Variants in USP28 observed in about 807,000 individuals in gnomAD.
USP28 encodes ubiquitin specific peptidase 28, also known as ubiquitin carboxyl-terminal hydrolase 28.
In USP28, 113 loss-of-function variants were observed where a neutral mutation model predicts 145.0. The ratio of observed to expected loss-of-function variants is 0.78; its 90% CI spans 0.67 to 0.91. The LOEUF (loss-of-function observed/expected upper bound fraction) is 0.91. Ranked by LOEUF, USP28 falls within the 40% of genes least tolerant of loss-of-function variation. The pLI is 0.00. For synonymous variants in USP28, 447 were observed against 450.9 expected, an observed-to-expected ratio of 0.99 and a Z score of 0.11; for missense variants, 1,201 against 1,289.6, an observed-to-expected ratio of 0.93 and a Z score of 1.05.
intron 8 of USP28, among the ~76,000 whole-genome samples, chr11:113,831,424 T>C (rs1487852276): frequency 2.0e-5 from 3 of 152,222 alleles, no homozygotes; most frequent in South Asian, 2.1e-4. Flanking sequence ...AACTATTTTA[T>C]AGTTACAATG....
intron 1 of USP28, chr11:113,874,563 A>G: frequency 7.8e-7 from 1 of 1,288,860 alleles, no homozygotes; most frequent in Non-Finnish European, 1.0e-6. Flanking sequence ...ATAGTTTCTC[A>G]TCTCCAAACT....
intron 7 of USP28, 26 bp from the exon 8 acceptor site, chr11:113,832,019 A>T (rs766758747): frequency 1.4e-5 from 22 of 1,590,424 alleles, no homozygotes; most frequent in Non-Finnish European, 1.9e-5. Flanking sequence ...AAATTGCATA[A>T]AAGTTAGATG....
Position 113,830,935 on chromosome 11 carries a change from CT to C in USP28, c.841del (p.Arg281GlyfsTer17). 6.2e-7 allele frequency: 1 copy of C among 1,613,968 alleles called. No individual in the cohort carries two copies. The highest frequency in any genetic ancestry group is 8.5e-7 in the Non-Finnish European group (1 of 1,179,886). On this transcript the variant is annotated frameshift_variant, in exon 9 of 25. Transcript: ENST00000003302. LOFTEE classifies it high-confidence loss of function. ...CACCATTGGATTTTCAGATTTGTTC[CT>C]GGGACTGCTGCTTTTAGGAAAAGGA... is the stretch of plus-strand genomic sequence containing the variant.
chr11:113,824,373 A>G lies in USP28; in HGVS notation c.1188-673T>C, dbSNP rs576191109. Among the ~76,000 whole-genome samples the G allele has an allele frequency of 3.5e-3, 537 of 152,110 alleles. 3 individuals carry two copies. The highest frequency in any genetic ancestry group is 0.013 in the African/African-American group (523 of 41,518). On this transcript the variant is annotated intron_variant, in intron 11 of 24. Coordinates refer to ENST00000003302, the Ensembl canonical transcript of USP28. ...TCACTCGTCACCCAGGCTGGAGTGC[A>G]ACGGCGCAATCTCGGCTCACTGTGA...
chr11:113,867,040 T>TA lies in USP28; in HGVS notation c.57+8404dup, dbSNP rs201060836. ...AATAAACGACAGATGCCACACATAA[T>TA]AGGTCACATATTGCATGATCCATTT... On this transcript the variant is annotated intron_variant, in intron 1 of 24. Transcript: ENST00000003302. Among the ~76,000 whole-genome samples, 1,445 of 152,308 alleles carry TA rather than the reference T, an allele frequency of 9.5e-3. 24 individuals are homozygous for TA. The highest frequency in any genetic ancestry group is 0.033 in the African/African-American group (1,357 of 41,568).
chr11:113,819,532 T>C (rs1179670623), intron 12 of USP28, among the ~76,000 whole-genome samples: 1 of 152,224 alleles, frequency 6.6e-6, no homozygotes, highest in African/African-American at 2.4e-5. Flanking sequence ...TACTACCTAA[T>C]GGTATCCATT....
intron 12 of USP28, chr11:113,820,458 CAAG>C (rs946291226): frequency 1.3e-5 from 2 of 152,196 alleles, no homozygotes; most frequent in Non-Finnish European, 2.9e-5. Flanking sequence ...GTTAATTACT[CAAG>C]AAGAAGAGGC....
intron 16 of USP28, among the ~76,000 whole-genome samples, chr11:113,809,903 C>T (rs887037209): frequency 1.3e-5 from 2 of 152,072 alleles, no homozygotes; most frequent in Non-Finnish European, 1.5e-5. Flanking sequence ...AGCGTGGTGG[C>T]GCATGCCTGT....
intron 2 of USP28, among the ~76,000 whole-genome samples, chr11:113,853,857 C>A (rs563892342): frequency 1.6e-4 from 21 of 133,420 alleles, no homozygotes; most frequent in African/African-American, 5.7e-4. Flanking sequence ...CCAGCCTGGG[C>A]ATCAGAGTGA....
chr11:113,875,470 G>A lies in USP28; in HGVS notation c.32C>T (p.Ala11Val). Reference sequence around the variant, plus strand: ...CGAGCCGTGGCCGTCTGCCGCGCCGGCCGCGTCGTCCTGCTGCAGCTCCGC... The same window carrying A: ...CGAGCCGTGGCCGTCTGCCGCGCCGACCGCGTCGTCCTGCTGCAGCTCCGC... The change falls in exon 1 of 25, where the codon GCC becomes GTC. Residue 11 changes from alanine (A) to valine (V), a missense_variant. By Grantham distance (64) the Ala-to-Val change is moderately conservative. Coordinates refer to ENST00000003302, the Ensembl canonical transcript of USP28. 2 of 1,236,134 alleles carry A rather than the reference G, an allele frequency of 1.6e-6. No homozygotes were observed. The highest frequency in any genetic ancestry group is 2.4e-5 in the South Asian group (1 of 41,050). 76.6% of individuals were successfully genotyped at this position (1,236,134 alleles called of 1,614,324 possible). A position where few individuals can be genotyped will look rare whatever the true frequency, so the allele number is the denominator to read the frequency against.
intron 1 of USP28, among the ~76,000 whole-genome samples, chr11:113,868,490 C>T (rs1948510498): frequency 6.6e-6 from 1 of 152,130 alleles, no homozygotes; most frequent in African/African-American, 2.4e-5. Context: ...GTACTAAAGT[C>T]GGAGAAATGT....
chr11:113,819,297 G>C (rs191005083), intron 12 of USP28, among the ~76,000 whole-genome samples: 5 of 151,888 alleles, frequency 3.3e-5, no homozygotes, highest in African/African-American at 1.2e-4. Flanking sequence ...ATTTTTAGTA[G>C]AGATGGGGTT....
chr11:113,874,939 G>T, intron 1 of USP28: 2 of 971,764 alleles, frequency 2.1e-6, no homozygotes, highest in Non-Finnish European at 1.2e-6. Flanking sequence ...AAGCCGGGTT[G>T]GGAGGGAGGG....
intron 15 of USP28, among the ~76,000 whole-genome samples, chr11:113,813,557 C>G (rs747444012): frequency 6.6e-6 from 1 of 152,156 alleles, no homozygotes; most frequent in Non-Finnish European, 1.5e-5. Context: ...GATAACTGTT[C>G]TCTAGTTCAG....
At chr11:113,814,150 T>A (rs1012011779) in intron 14 of USP28, among the ~76,000 whole-genome samples, 195 bp from the exon 15 acceptor site, 5 of 152,198 alleles carry the variant, frequency 3.3e-5, no homozygotes, top group African/African-American at 1.2e-4. Flanking sequence ...TATAATTACA[T>A]TAAGGTTTTA....
At chr11:113,865,632 C>A (rs1565508209) in intron 1 of USP28, among the ~76,000 whole-genome samples, 1 of 152,164 alleles carries the variant, frequency 6.6e-6, no homozygotes, top group Admixed American at 6.5e-5. Context: ...ATTGGTACAA[C>A]TGGATATCCA....
chr11:113,858,981 T>C (rs1436447208), intron 1 of USP28, among the ~76,000 whole-genome samples: 4 of 152,234 alleles, frequency 2.6e-5, no homozygotes, highest in Non-Finnish European at 5.9e-5. Context: ...ACTGCCTAAT[T>C]TGAATCATCC....
At chr11:113,831,656 C>T (rs1591309559) in intron 8 of USP28, among the ~76,000 whole-genome samples, 1 of 151,750 alleles carries the variant, frequency 6.6e-6, no homozygotes. Flanking sequence ...TTTTACAGCA[C>T]ATGCTGAGTT....
intron 3 of USP28, among the ~76,000 whole-genome samples, chr11:113,842,475 C>G (rs1277980087): frequency 6.6e-6 from 1 of 151,740 alleles, no homozygotes; most frequent in Non-Finnish European, 1.5e-5. Flanking sequence ...GTCCCAGCTA[C>G]TCAGGAGGTT....
Sources: allele counts gnomAD v4.1 joint callset (sites outside exome capture counted in the v4.1 genomes callset), GRCh38; gene constraint gnomAD v4.1.1; transcripts MANE v1.5; gene names NCBI Gene and HGNC (gene_info 2026-07-23, HGNC 2026-07-21).